The following RBMXL2 variants were observed in gnomAD, a reference collection of about 807,000 sequenced individuals.
RBMXL2 encodes the protein RNA-binding motif protein, X-linked-like-2.
Under a neutral mutation model 1.0 loss-of-function variants are expected in RBMXL2, and 2 were observed. The observed-to-expected ratio is 2.05, with a 90% CI of 0.84 to 6.44. RBMXL2 has a LOEUF of 6.44. Among genes scored for constraint, RBMXL2 ranks in the 30% most tolerant of loss-of-function variants. RBMXL2 has a pLI of 0.05. For synonymous variants in RBMXL2, 313 were observed against 267.9 expected (o/e 1.17, Z -1.64); for missense variants, 658 against 608.5 (o/e 1.08, Z -0.85).
Position 7,089,555 on chromosome 11 carries a change from G to T in RBMXL2, c.435G>T (p.Pro145=). Reference sequence around the variant, plus strand: ...TCGACCTGCGGCCCTCCAGGGCCCCGATGCCCATGAAGCGTGGGCCGCCGC... The same window carrying T: ...TCGACCTGCGGCCCTCCAGGGCCCCTATGCCCATGAAGCGTGGGCCGCCGC... ...ADFDLRPSRA[P]MPMKRGPPPR... Residue 145 remains proline, a synonymous_variant, in exon 1 of 1, where the codon CCG becomes CCT. Coordinates refer to ENST00000306904, the MANE Select transcript of RBMXL2 (RefSeq NM_014469.5). The T allele has an allele frequency of 8.3e-7, 1 of 1,199,618 alleles. No homozygotes were observed. The allele number at this position is 1,199,618 out of a possible 1,614,324, so 74.3% of individuals were successfully genotyped here.
rs1295774937 is a variant in RBMXL2, at chr11:7,090,356, A to C, written c.*57A>C. The C allele has an allele frequency of 6.6e-7, 1 of 1,524,458 alleles. No homozygotes were observed. The highest frequency in any genetic ancestry group is 1.4e-5 in the African/African-American group (1 of 72,496). 94.4% of individuals were successfully genotyped at this position (1,524,458 alleles called of 1,614,324 possible). A position where few individuals can be genotyped will look rare whatever the true frequency, so the allele number is the denominator to read the frequency against. On this transcript the variant is annotated 3_prime_UTR_variant, in exon 1 of 1. Transcript: ENST00000306904. ...TTCAACGAAACTAACAAAAAGAAGA[A>C]CCTGTTGTATGGTAACTACCCAAGG...
chr11:7,089,306 C>T lies in RBMXL2; in HGVS notation c.186C>T (p.Ala62=). ...TCACCTTTGAAAGCCCCGCAGACGCCAAGGCCGCCGCCAGAGACATGAACG... is the reference window on the plus strand; with the variant it reads ...TCACCTTTGAAAGCCCCGCAGACGCTAAGGCCGCCGCCAGAGACATGAACG... ...AFVTFESPAD[A]KAAARDMNGK... is the part of the protein sequence containing the mutation. Residue 62 remains alanine (A), a synonymous_variant, in exon 1 of 1, where the codon GCC becomes GCT. Transcript: ENST00000306904. 1 of 1,606,394 alleles carries T rather than the reference C, an allele frequency of 6.2e-7. No homozygotes were observed. The highest frequency in any genetic ancestry group is 8.5e-7 in the Non-Finnish European group (1 of 1,176,372).
Position 7,089,975 on chromosome 11 carries a change from C to G in RBMXL2, c.855C>G (p.Ser285Arg). 3 of 1,613,172 alleles carry G rather than the reference C, an allele frequency of 1.9e-6. No individual in the cohort carries two copies. Among genetic ancestry groups the G allele is most frequent in the Non-Finnish European group, 2.5e-6 (3 of 1,180,004 alleles). Residue 285 changes from serine to arginine, a missense_variant, in exon 1 of 1, where the codon AGC becomes AGG. Ser to Arg is a moderately radical substitution (Grantham distance 110). Transcript: ENST00000306904. The part of the protein sequence containing the change: ...SRGSHREPFE[S>R]YGELRGAAPG... Reference sequence around the variant, plus strand: ...GCTCCCATCGAGAGCCCTTTGAGAGCTACGGAGAGCTGCGCGGCGCCGCCC... The same window carrying G: ...GCTCCCATCGAGAGCCCTTTGAGAGGTACGGAGAGCTGCGCGGCGCCGCCC...
chr11:7,090,347 A>C lies in RBMXL2; in HGVS notation c.*48A>C. 6.5e-7 allele frequency: 1 copy of C among 1,537,180 alleles called. No homozygotes were observed. The highest frequency in any genetic ancestry group is 8.8e-7 in the Non-Finnish European group (1 of 1,134,486). On this transcript the variant is annotated 3_prime_UTR_variant, in exon 1 of 1. Coordinates refer to ENST00000306904, the MANE Select transcript of RBMXL2 (RefSeq NM_014469.5). ...AAATCCCTTTTCAACGAAACTAACA[A>C]AAAGAAGAACCTGTTGTATGGTAAC...
At position 7,089,613 on chromosome 11, in the gene RBMXL2, G is replaced by T. The variant is rs1289501818; in HGVS notation, c.493G>T (p.Ala165Ser). The T allele has an allele frequency of 1.7e-6, 2 of 1,204,070 alleles. No individual in the cohort carries two copies. Among genetic ancestry groups the T allele is most frequent in the Non-Finnish European group, 2.1e-6 (2 of 970,386 alleles). The allele number at this position is 1,204,070 out of a possible 1,614,324, so 74.6% of individuals were successfully genotyped here. A position where few individuals can be genotyped will look rare whatever the true frequency, so the allele number is the denominator to read the frequency against. Residue 165 changes from alanine (A) to serine (S), a missense_variant, in exon 1 of 1, where the codon GCG becomes TCG. Ala to Ser is a moderately conservative substitution (Grantham distance 99, BLOSUM62 1). Transcript: ENST00000306904. ...RRVGPPPKRAAPSGPARSSGG... is the reference protein window; with the variant it reads ...RRVGPPPKRASPSGPARSSGG... ...GGTCGGCCCACCCCCCAAGAGGGCC[G>T]CGCCGTCGGGCCCGGCTCGCAGCAG...
Position 7,089,797 on chromosome 11 carries a change from G to A in RBMXL2, c.677G>A (p.Arg226His), listed in dbSNP as rs1376682781. 5.6e-6 allele frequency: 9 copies of A among 1,601,800 alleles called. No individual in the cohort carries two copies. Among genetic ancestry groups the A allele is most frequent in the South Asian group, 3.3e-5 (3 of 90,618 alleles). ...SRDGYSSRDY[R>H]EPRGFAPSPG... ...GACGGCTACTCGAGCCGAGACTACC[G>A]CGAACCCCGGGGTTTTGCCCCCTCG... Residue 226 changes from arginine (R) to histidine (H), a missense_variant, in exon 1 of 1, where the codon CGC becomes CAC. By Grantham distance (29) the Arg-to-His change is conservative. Transcript: ENST00000306904.
Position 7,090,467 on chromosome 11 carries a change from T to TA in RBMXL2, c.*172dup. The TA allele has an allele frequency of 1.1e-6, 1 of 907,394 alleles. No homozygotes were observed. The highest frequency in any genetic ancestry group is 1.7e-6 in the Non-Finnish European group (1 of 592,092). The allele number at this position is 907,394 out of a possible 1,614,324, so 56.2% of individuals were successfully genotyped here. On this transcript the variant is annotated 3_prime_UTR_variant, in exon 1 of 1. Coordinates refer to ENST00000306904, the MANE Select transcript of RBMXL2 (RefSeq NM_014469.5). ...TTTTATGCTTTTGGGAGAAAAAACT[T>TA]AAAATTCGTTTAGTTTAGTTTTGGA...
rs902041729 is a variant in RBMXL2, at chr11:7,089,473, C to G, written c.353C>G (p.Pro118Arg). Reference sequence around the variant, plus strand: ...GGAACCCGCGGGGGTGGCGGCGGCCCGCGGCGTTCCCCATCCCGGGGCGGG... The same window carrying G: ...GGAACCCGCGGGGGTGGCGGCGGCCGGCGGCGTTCCCCATCCCGGGGCGGG... ...LRGTRGGGGG[P>R]RRSPSRGGPD... The change falls in exon 1 of 1, where the codon CCG becomes CGG. Residue 118 changes from proline to arginine, a missense_variant. Transcript: ENST00000306904. The G allele has an allele frequency of 4.7e-6, 6 of 1,268,646 alleles. No homozygotes were observed. The African/African-American group carries it at 4.8e-5, about 10-fold the overall frequency. 78.6% of individuals were successfully genotyped at this position (1,268,646 alleles called of 1,614,324 possible). A position where few individuals can be genotyped will look rare whatever the true frequency, so the allele number is the denominator to read the frequency against.
At position 7,090,017 on chromosome 11, in the gene RBMXL2, G is replaced by A. The variant is rs749844520; in HGVS notation, c.897G>A (p.Pro299=). ...GCGCCGCCCCAGGACGGGGGACACCGCCATCTTACGGAGGAGGAGGCCGCT... is the reference window on the plus strand; with the variant it reads ...GCGCCGCCCCAGGACGGGGGACACCACCATCTTACGGAGGAGGAGGCCGCT... ...LRGAAPGRGT[P]PSYGGGGRYE... Residue 299 remains proline (P), a synonymous_variant, in exon 1 of 1, where the codon CCG becomes CCA. Coordinates refer to ENST00000306904, the MANE Select transcript of RBMXL2 (RefSeq NM_014469.5). 5.6e-6 allele frequency: 9 copies of A among 1,613,030 alleles called. No individual in the cohort carries two copies. The South Asian group carries it at 7.7e-5, about 14-fold the overall frequency.
Position 7,089,207 on chromosome 11 carries a change from C to A in RBMXL2, c.87C>A (p.Gly29=), listed in dbSNP as rs200510646. The A allele has an allele frequency of 1.4e-4, 230 of 1,613,728 alleles. No individual in the cohort carries two copies. The highest frequency in any genetic ancestry group is 1.8e-4 in the Non-Finnish European group (209 of 1,179,820). The part of the protein sequence containing the change: ...TDEKALEAEF[G]KYGRIVEVLL... ...AGAAAGCCCTCGAAGCCGAGTTTGGCAAGTATGGCCGCATCGTCGAGGTGC... is the reference window on the plus strand; with the variant it reads ...AGAAAGCCCTCGAAGCCGAGTTTGGAAAGTATGGCCGCATCGTCGAGGTGC... The change falls in exon 1 of 1, where the codon GGC becomes GGA. Residue 29 remains glycine, a synonymous_variant. Coordinates refer to ENST00000306904, the MANE Select transcript of RBMXL2 (RefSeq NM_014469.5).
chr11:7,089,388 G>C lies in RBMXL2; in HGVS notation c.268G>C (p.Glu90Gln), dbSNP rs1397269593. 2 of 1,599,262 alleles carry C rather than the reference G, an allele frequency of 1.3e-6. No homozygotes were observed. Among genetic ancestry groups the C allele is most frequent in the Admixed American group, 3.4e-5 (2 of 58,674 alleles). The change falls in exon 1 of 1, where the codon GAG becomes CAG. Residue 90 changes from glutamate to glutamine, a missense_variant. By Grantham distance (29) the Glu-to-Gln change is conservative (BLOSUM62 2). Coordinates refer to ENST00000306904, the MANE Select transcript of RBMXL2 (RefSeq NM_014469.5). The part of the protein sequence containing the change: ...KVAQATKPAF[E>Q]SSRRGPPPPR... ...GGCCCAGGCCACCAAACCGGCGTTC[G>C]AGAGCAGCCGGCGGGGCCCGCCGCC...
rs1203334034 is a variant in RBMXL2 at position 7,089,785 on chromosome 11, G to C, written c.665G>C (p.Ser222Thr). The C allele has an allele frequency of 1.9e-6, 3 of 1,595,766 alleles. No individual in the cohort carries two copies. The African/African-American group carries it at 4.0e-5, about 21-fold the overall frequency. ...EGYSSRDGYSSRDYREPRGFA... is the reference protein window; with the variant it reads ...EGYSSRDGYSTRDYREPRGFA... The stretch of plus-strand genomic sequence containing the variant: ...TACTCGTCCAGAGACGGCTACTCGA[G>C]CCGAGACTACCGCGAACCCCGGGGT... The change falls in exon 1 of 1, where the codon AGC becomes ACC. Residue 222 changes from serine to threonine, a missense_variant. Coordinates refer to ENST00000306904, the MANE Select transcript of RBMXL2 (RefSeq NM_014469.5).
Position 7,089,703 on chromosome 11 carries a change from C to G in RBMXL2, c.583C>G (p.Arg195Gly). The G allele has an allele frequency of 1.3e-6, 2 of 1,521,790 alleles. No individual in the cohort carries two copies. The highest frequency in any genetic ancestry group is 1.8e-6 in the Non-Finnish European group (2 of 1,137,274). The allele number at this position is 1,521,790 out of a possible 1,614,324, so 94.3% of individuals were successfully genotyped here. A position where few individuals can be genotyped will look rare whatever the true frequency, so the allele number is the denominator to read the frequency against. ...GCGAGACGGCTACTCAGGCCCACCG[C>G]GCCGGGAGCCGCTGCCCCCGCGCCG... Reference protein sequence around the residue: ...RGRDGYSGPPRREPLPPRRDP... With the variant: ...RGRDGYSGPPGREPLPPRRDP... Residue 195 changes from arginine (R) to glycine (G), a missense_variant, in exon 1 of 1, where the codon CGC (arginine) becomes GGC (glycine). Transcript: ENST00000306904.
At position 7,090,085 on chromosome 11, in the gene RBMXL2, G is replaced by A. The variant is rs768374330; in HGVS notation, c.965G>A (p.Gly322Asp). 1.9e-6 allele frequency: 3 copies of A among 1,611,568 alleles called. No homozygotes were observed. In the Admixed American group the frequency reaches 5.0e-5, roughly 27 times the overall value. The part of the protein sequence containing the change: ...RGYSPDAYSG[G>D]RDSYSSSYGR... ...TACTCACCCGATGCCTACAGCGGCG[G>A]CCGCGACAGTTACAGCAGCAGTTAT... The change falls in exon 1 of 1, where the codon GGC becomes GAC. Residue 322 changes from glycine (G) to aspartate (D), a missense_variant. Transcript: ENST00000306904.
In RBMXL2 at chr11:7,089,086, C is replaced by G; in HGVS notation, c.-35C>G. 6.2e-7 allele frequency: 1 copy of G among 1,601,930 alleles called. No homozygotes were observed. The highest frequency in any genetic ancestry group is 2.2e-5 in the East Asian group (1 of 44,452). On this transcript the variant is annotated 5_prime_UTR_variant, in exon 1 of 1. Transcript: ENST00000306904. Reference sequence around the variant, plus strand: ...TGCGACTGGCGCCGCCTCACCGCCTCCCACCGCCACTGACCGACCGTTCGA... The same window carrying G: ...TGCGACTGGCGCCGCCTCACCGCCTGCCACCGCCACTGACCGACCGTTCGA...
In RBMXL2 at chr11:7,090,236, G is replaced by T; in HGVS notation, c.1116G>T (p.Val372=). The T allele has an allele frequency of 1.2e-6, 2 of 1,610,834 alleles. No homozygotes were observed. Among genetic ancestry groups the T allele is most frequent in the South Asian group, 2.2e-5 (2 of 90,286 alleles). ...RDSYSRSGCR[V]PRGGGRLGGR... is the part of the protein sequence containing the mutation. ...CTTACAGCCGGTCAGGCTGCAGGGT[G>T]CCCAGGGGCGGAGGCCGTCTAGGAG... Residue 372 remains valine (V), a synonymous_variant, in exon 1 of 1, where the codon GTG becomes GTT. Coordinates refer to ENST00000306904, the MANE Select transcript of RBMXL2 (RefSeq NM_014469.5).
At position 7,090,096 on chromosome 11, in the gene RBMXL2, T is replaced by C; in HGVS notation, c.976T>C (p.Tyr326His). 1 of 1,611,944 alleles carries C rather than the reference T, an allele frequency of 6.2e-7. No homozygotes were observed. Among genetic ancestry groups the C allele is most frequent in the Non-Finnish European group, 8.5e-7 (1 of 1,179,178 alleles). The change falls in exon 1 of 1, where the codon TAC (tyrosine) becomes CAC (histidine). Residue 326 changes from tyrosine to histidine, a missense_variant. By Grantham distance (83) the Tyr-to-His change is moderately conservative. Transcript: ENST00000306904. ...TGCCTACAGCGGCGGCCGCGACAGT[T>C]ACAGCAGCAGTTATGGCCGGAGCGA... ...PDAYSGGRDS[Y>H]SSSYGRSDRY...
Position 7,090,119 on chromosome 11 carries a change from C to T in RBMXL2, c.999C>T (p.Ser333=), listed in dbSNP as rs1565036300. The change falls in exon 1 of 1, where the codon AGC becomes AGT. Residue 333 remains serine, a synonymous_variant. Transcript: ENST00000306904. ...GTTACAGCAGCAGTTATGGCCGGAG[C>T]GACCGCTACTCGAGGGGCCGACACC... ...RDSYSSSYGR[S]DRYSRGRHRV... The T allele has an allele frequency of 3.1e-6, 5 of 1,612,262 alleles. No homozygotes were observed. Among genetic ancestry groups the T allele is most frequent in the Non-Finnish European group, 4.2e-6 (5 of 1,179,240 alleles).
At position 7,090,172 on chromosome 11, in the gene RBMXL2, C is replaced by G. The variant is rs199861255; in HGVS notation, c.1052C>G (p.Ser351Cys). Reference sequence around the variant, plus strand: ...GTGGGCAGACCAGATCGTGGGCTCTCTCTGTCCATGGAAAGGGGCTGCCCT... The same window carrying G: ...GTGGGCAGACCAGATCGTGGGCTCTGTCTGTCCATGGAAAGGGGCTGCCCT... The part of the protein sequence containing the change: ...HRVGRPDRGL[S>C]LSMERGCPPQ... Residue 351 changes from serine (S) to cysteine (C), a missense_variant, in exon 1 of 1, where the codon TCT (serine) becomes TGT (cysteine). By Grantham distance (112) the Ser-to-Cys change is moderately radical (BLOSUM62 -1). Coordinates refer to ENST00000306904, the MANE Select transcript of RBMXL2 (RefSeq NM_014469.5). The G allele has an allele frequency of 3.0e-4, 489 of 1,613,742 alleles. 1 individual carries two copies. The highest frequency in any genetic ancestry group is 3.8e-4 in the Non-Finnish European group (445 of 1,179,982).
Sources: gnomAD v4.1 joint callset for allele counts on GRCh38, gnomAD v4.1.1 for gene constraint, MANE v1.5 for transcripts, NCBI Gene and HGNC (gene_info 2026-07-23, HGNC 2026-07-21) for gene names.